The following ELOVL6 variants were observed in gnomAD, a reference collection of about 807,000 sequenced individuals.
ELOVL6 encodes very long chain fatty acid elongase 6.
A neutral mutation model predicts 31.7 loss-of-function variants in ELOVL6; 8 were observed. The ratio of observed to expected loss-of-function variants is 0.25; its 90% CI spans 0.15 to 0.45. ELOVL6 has a LOEUF of 0.45. ELOVL6 is among the 20% of genes least tolerant of loss of function. The pLI, the probability that ELOVL6 is intolerant of heterozygous loss-of-function variation, is 1.00. For synonymous variants in ELOVL6, 101 were observed against 117.7 expected (o/e 0.86, Z 0.92); for missense variants, 126 against 326.4 (o/e 0.39, Z 4.73).
At chr4:110,096,454 T>C (rs1756583031) in intron 2 of ELOVL6, among the ~76,000 whole-genome samples, 2 of 152,208 alleles carry the variant, frequency 1.3e-5, no homozygotes, top group South Asian at 4.1e-4. Context: ...TTTAGACATC[T>C]AGAAAACAAA....
At chr4:110,116,262 G>T (rs770439200) in intron 1 of ELOVL6, among the ~76,000 whole-genome samples, 7 of 152,144 alleles carry the variant, frequency 4.6e-5, no homozygotes, top group Non-Finnish European at 7.3e-5. Flanking sequence ...TTACCATGTG[G>T]ATTAAACTAA....
chr4:110,062,015 T>C (rs1044119052), intron 2 of ELOVL6, among the ~76,000 whole-genome samples: 2 of 152,208 alleles, frequency 1.3e-5, no homozygotes, highest in Non-Finnish European at 2.9e-5. Context: ...ATTCTTTCAG[T>C]GGTCAAATAT....
chr4:110,084,164 G>GATATATAACATATAACTTATA lies in ELOVL6; in HGVS notation c.221+21332_221+21333insTATAAGTTATATGTTATATAT, dbSNP rs1560814317. On this transcript the variant is annotated intron_variant, in intron 2 of 3. Coordinates refer to ENST00000302274, the MANE Select transcript of ELOVL6 (RefSeq NM_024090.3). ...TATATATGATATATATAACATATAT[G>GATATATAACATATAACTTATA]TGATATATATGATATATATAACATA... Among the ~76,000 whole-genome samples, 3 of 45,594 alleles carry GATATATAACATATAACTTATA rather than the reference G, an allele frequency of 6.6e-5. 1 individual carries two copies. In the African/African-American group the frequency reaches 7.5e-4, roughly 11 times the overall value. 29.9% of individuals were successfully genotyped at this position (45,594 alleles called of 152,430 possible).
chr4:110,080,567 G>A (rs189857759), intron 2 of ELOVL6, among the ~76,000 whole-genome samples: 25 of 152,100 alleles, frequency 1.6e-4, no homozygotes, highest in Admixed American at 4.6e-4. Context: ...ACTCTCAATA[G>A]ATTAGGTATT....
intron 2 of ELOVL6, among the ~76,000 whole-genome samples, chr4:110,083,958 G>C (rs369129041): frequency 1.1e-3 from 2 of 1,842 alleles, no homozygotes; most frequent in African/African-American, 2.5e-3. Flanking sequence ...TGTTATATAT[G>C]ATATATATGA....
chr4:110,059,541 A>C, intron 3 of ELOVL6, 62 bp downstream of exon 3: 2 of 1,517,118 alleles, frequency 1.3e-6, no homozygotes, highest in East Asian at 2.3e-5. Context: ...TTTGCTCACT[A>C]AATAAATACT....
At position 110,176,839 on chromosome 4, in the gene ELOVL6, G is replaced by A. The variant is rs577810266; in HGVS notation, c.89+21408C>T. Among the ~76,000 whole-genome samples, 91 of 152,316 alleles carry A rather than the reference G, an allele frequency of 6.0e-4. 1 individual carries two copies. Among genetic ancestry groups the A allele is most frequent in the Non-Finnish European group, 1.2e-3 (79 of 68,026 alleles). On this transcript the variant is annotated intron_variant, in intron 1 of 3. Transcript: ENST00000302274. ...TGCAACCTGTCTCCCAGGTTCAAGC[G>A]ATTCTCCTGCCTCAGCCTCCCGAGT...
At chr4:110,140,350 C>G (rs556583981) in intron 1 of ELOVL6, among the ~76,000 whole-genome samples, 25 of 152,258 alleles carry the variant, frequency 1.6e-4, no homozygotes, top group African/African-American at 5.3e-4. Flanking sequence ...CAGTTTCTAT[C>G]CCCTGCTCTG....
chr4:110,127,415 A>AAAAAAAG, intron 1 of ELOVL6, among the ~76,000 whole-genome samples: 1 of 150,964 alleles, frequency 6.6e-6, no homozygotes, highest in East Asian at 1.9e-4. Context: ...TCAAAAAAAA[A>AAAAAAAG]AAAAAAAAAA....
intron 2 of ELOVL6, among the ~76,000 whole-genome samples, chr4:110,074,227 T>C (rs1057097237): frequency 1.3e-5 from 2 of 152,226 alleles, no homozygotes; most frequent in Non-Finnish European, 2.9e-5. Flanking sequence ...CATCTTCCCA[T>C]ATACTTTAAA....
intron 2 of ELOVL6, among the ~76,000 whole-genome samples, chr4:110,077,637 G>GA (rs1755684770): frequency 6.6e-6 from 1 of 152,142 alleles, no homozygotes; most frequent in Middle Eastern, 3.4e-3. Context: ...CAAAGACGGG[G>GA]AAAAAACAGA....
intron 2 of ELOVL6, among the ~76,000 whole-genome samples, chr4:110,085,839 T>G (rs1310330290): frequency 6.6e-6 from 1 of 152,144 alleles, no homozygotes; most frequent in Non-Finnish European, 1.5e-5. Flanking sequence ...CTCAGCCTCC[T>G]GAGTAGCTGG....
In ELOVL6 at chr4:110,051,219, G is replaced by C. The variant is rs1304570186; in HGVS notation, c.*119C>G. 10 of 1,086,650 alleles carry C rather than the reference G, an allele frequency of 9.2e-6. No homozygotes were observed. The highest frequency in any genetic ancestry group is 1.3e-6 in the Non-Finnish European group (1 of 751,388). The allele number at this position is 1,086,650 out of a possible 1,614,324, so 67.3% of individuals were successfully genotyped here. On this transcript the variant is annotated 3_prime_UTR_variant, in exon 4 of 4. Transcript: ENST00000302274. This position sits in a 1 kb window ranked among gnomAD's most constrained non-coding sequence, Gnocchi z 4.8. ...TTATCCCTAAGCTGCCTTGGGTTTT[G>C]TGTTTGCTCATGTTTTGTTTTGTTT...
At chr4:110,059,215 G>A (rs1755074908) in intron 3 of ELOVL6, among the ~76,000 whole-genome samples, 2 of 152,118 alleles carry the variant, frequency 1.3e-5, no homozygotes, top group Admixed American at 6.5e-5. Context: ...TAACTCTACA[G>A]ATGAAAGTAT....
rs572808078 is a variant in ELOVL6, at chr4:110,078,760, G to A, written c.222-19006C>T. The stretch of plus-strand genomic sequence containing the variant: ...AACCATATTAACCTTAAATGTAAAT[G>A]GGCTAAATGCTCCAAATTAAAGACA... On this transcript the variant is annotated intron_variant, in intron 2 of 3. Coordinates refer to ENST00000302274, the MANE Select transcript of ELOVL6 (RefSeq NM_024090.3). Among the ~76,000 whole-genome samples, 13 of 152,276 alleles carry A rather than the reference G, an allele frequency of 8.5e-5. No homozygotes were observed. The East Asian group carries it at 2.3e-3, about 27-fold the overall frequency.
intron 1 of ELOVL6, among the ~76,000 whole-genome samples, chr4:110,144,388 C>T (rs1758049337): frequency 1.3e-5 from 2 of 152,188 alleles, no homozygotes; most frequent in African/African-American, 4.8e-5. Context: ...CGACCCCATG[C>T]TTACAGTATA....
intron 1 of ELOVL6, among the ~76,000 whole-genome samples, chr4:110,133,781 T>G (rs1757735108): frequency 6.6e-6 from 1 of 152,208 alleles, no homozygotes; most frequent in Non-Finnish European, 1.5e-5. Flanking sequence ...AGAGTATTTC[T>G]AAGACCTGAC....
intron 1 of ELOVL6, among the ~76,000 whole-genome samples, chr4:110,124,931 G>A (rs991704552): frequency 6.6e-6 from 1 of 152,072 alleles, no homozygotes; most frequent in Admixed American, 6.5e-5. Flanking sequence ...ACAAAAAATA[G>A]GCTTTCAATT....
intron 1 of ELOVL6, among the ~76,000 whole-genome samples, chr4:110,160,137 C>A (rs563943976): frequency 6.6e-6 from 1 of 151,984 alleles, no homozygotes; most frequent in Non-Finnish European, 1.5e-5. Flanking sequence ...CACACAAACA[C>A]TATTGGATGT....
Sources: gnomAD v4.1 joint callset for allele counts (sites outside exome capture counted in the v4.1 genomes callset) on GRCh38, gnomAD v4.1.1 for gene constraint, Gnocchi (gnomAD v3.1) non-coding constraint, MANE v1.5 for transcripts, NCBI Gene and HGNC (gene_info 2026-07-23, HGNC 2026-07-21) for gene names.